Variants in KCNIP4 observed in about 807,000 individuals in gnomAD.
The protein encoded by KCNIP4 is potassium voltage-gated channel interacting protein 4, also known as Kv channel-interacting protein 4.
A neutral mutation model predicts 34.0 loss-of-function variants in KCNIP4; 12 were observed. The ratio of observed to expected loss-of-function variants is 0.35; its 90% CI spans 0.23 to 0.57. KCNIP4 has a LOEUF of 0.57. Among genes scored for constraint, KCNIP4 ranks in the 20% least tolerant of loss-of-function variants. The probability of loss-of-function intolerance (pLI) is 0.83; values close to 1 mark genes in which losing one functional copy is unlikely to be tolerated. For missense variants in KCNIP4, 238 were observed against 311.7 expected, an observed-to-expected ratio of 0.76 and a Z score of 1.78; for synonymous variants, 124 against 102.2, an observed-to-expected ratio of 1.21 and a Z score of -1.29.
At chr4:21,421,321 T>C (rs1413511086) in intron 1 of KCNIP4, among the ~76,000 whole-genome samples, 2 of 152,182 alleles carry the variant, frequency 1.3e-5, no homozygotes, top group Admixed American at 6.5e-5. Flanking sequence ...ATCTGCACTC[T>C]CATGTTCATG....
At chr4:21,326,649 T>A (rs1248014657) in intron 1 of KCNIP4, among the ~76,000 whole-genome samples, 2 of 151,826 alleles carry the variant, frequency 1.3e-5, no homozygotes, top group African/African-American at 2.4e-5. Flanking sequence ...AGGTTATCAT[T>A]GATAAATAGA....
At chr4:21,013,126 C>T (rs939734422) in intron 1 of KCNIP4, among the ~76,000 whole-genome samples, 13 of 152,064 alleles carry the variant, frequency 8.5e-5, no homozygotes, top group African/African-American at 3.1e-4. Context: ...TTCTGGACAG[C>T]AGGAAAGGGT....
intron 1 of KCNIP4, among the ~76,000 whole-genome samples, chr4:21,051,590 C>A (rs988749923): frequency 3.3e-5 from 5 of 151,848 alleles, no homozygotes; most frequent in African/African-American, 1.2e-4. Flanking sequence ...TTATTTTACA[C>A]ATAATAGACA....
At chr4:21,455,514 A>C (rs1728848584) in intron 1 of KCNIP4, among the ~76,000 whole-genome samples, 2 of 151,954 alleles carry the variant, frequency 1.3e-5, no homozygotes, top group African/African-American at 2.4e-5. Flanking sequence ...CTTGATTTAT[A>C]CAACAGATAT....
chr4:21,340,833 C>T (rs995460967), intron 1 of KCNIP4, among the ~76,000 whole-genome samples: 4 of 152,096 alleles, frequency 2.6e-5, no homozygotes, highest in Non-Finnish European at 5.9e-5. Flanking sequence ...AGATTTGTCT[C>T]AACATGGCCA....
At chr4:21,797,851 T>C (rs1720721762) in intron 1 of KCNIP4, among the ~76,000 whole-genome samples, 2 of 152,150 alleles carry the variant, frequency 1.3e-5, no homozygotes, top group South Asian at 4.1e-4. Flanking sequence ...CAAATTTACA[T>C]GATAAACACT....
chr4:21,011,483 A>G (rs116050255), intron 1 of KCNIP4, among the ~76,000 whole-genome samples: 147 of 152,346 alleles, frequency 9.6e-4, no homozygotes, highest in Non-Finnish European at 1.9e-3. Context: ...TTGGAAAAAT[A>G]GCATTTCAAC....
chr4:21,102,012 C>A (rs1747990770), intron 1 of KCNIP4, among the ~76,000 whole-genome samples: 1 of 152,018 alleles, frequency 6.6e-6, no homozygotes, highest in African/African-American at 2.4e-5. Flanking sequence ...CCCAAGTGTA[C>A]CTAAATCACA....
At chr4:21,258,585 T>G (rs1230453261) in intron 1 of KCNIP4, among the ~76,000 whole-genome samples, 1 of 152,172 alleles carries the variant, frequency 6.6e-6, no homozygotes, top group Non-Finnish European at 1.5e-5. Context: ...GCTCTAATTC[T>G]TAATGTGGCT....
chr4:21,469,975 G>A (rs139078145), intron 1 of KCNIP4, among the ~76,000 whole-genome samples: 31 of 152,214 alleles, frequency 2.0e-4, no homozygotes, highest in Non-Finnish European at 3.7e-4. Context: ...TGTGTTTTGC[G>A]CTTTTCTGTT....
chr4:21,220,377 G>C (rs995935158), intron 1 of KCNIP4, among the ~76,000 whole-genome samples: 1 of 152,116 alleles, frequency 6.6e-6, no homozygotes, highest in Non-Finnish European at 1.5e-5. Context: ...GATACCTAAG[G>C]AATAGAAGTT....
intron 1 of KCNIP4, among the ~76,000 whole-genome samples, chr4:21,273,114 A>G (rs905482626): frequency 5.9e-5 from 9 of 152,246 alleles, no homozygotes; most frequent in African/African-American, 1.9e-4. Flanking sequence ...ATTATTACTG[A>G]TAGTACATCA....
At chr4:20,936,118 A>G (rs921075819) in intron 1 of KCNIP4, among the ~76,000 whole-genome samples, 12 of 152,154 alleles carry the variant, frequency 7.9e-5, no homozygotes, top group Non-Finnish European at 1.5e-4. Context: ...AGTTAACAGT[A>G]TCTACTCTAT....
chr4:20,822,472 G>A (rs1356256927), intron 3 of KCNIP4, among the ~76,000 whole-genome samples: 1 of 152,206 alleles, frequency 6.6e-6, no homozygotes, highest in African/African-American at 2.4e-5. Flanking sequence ...TACACAGCTG[G>A]TGGGAATGTA....
At chr4:21,090,906 A>T (rs955467807) in intron 1 of KCNIP4, among the ~76,000 whole-genome samples, 3 of 152,238 alleles carry the variant, frequency 2.0e-5, no homozygotes, top group Non-Finnish European at 4.4e-5. Flanking sequence ...CAAAAACAGA[A>T]CAATCTTAAT....
At position 21,838,996 on chromosome 4, in the gene KCNIP4, T is replaced by C. The variant is rs148481473; in HGVS notation, c.61+109575A>G. ...AAAATATAGTAAGCAAGAGAAAAAG[T>C]CATTTTTGAGGGCACAATTGTGTTT... On this transcript the variant is annotated intron_variant, in intron 1 of 8. Transcript: ENST00000382152. Among the ~76,000 whole-genome samples the C allele has an allele frequency of 8.4e-3, 1,282 of 152,260 alleles. 14 individuals carry two copies. Among genetic ancestry groups the C allele is most frequent in the South Asian group, 0.028 (136 of 4,830 alleles).
At chr4:21,804,294 G>C (rs1433052599) in intron 1 of KCNIP4, among the ~76,000 whole-genome samples, 1 of 152,144 alleles carries the variant, frequency 6.6e-6, no homozygotes, top group Non-Finnish European at 1.5e-5. Context: ...TTGTGTTCTT[G>C]TTTTGTTTGT....
At chr4:21,346,030 G>A (rs1717278043) in intron 1 of KCNIP4, among the ~76,000 whole-genome samples, 1 of 143,194 alleles carries the variant, frequency 7.0e-6, no homozygotes, top group Non-Finnish European at 1.5e-5. Flanking sequence ...GGCATCCTGG[G>A]TGGAGTGGCA....
At chr4:21,201,221 A>G (rs752430640) in intron 1 of KCNIP4, among the ~76,000 whole-genome samples, 2 of 152,228 alleles carry the variant, frequency 1.3e-5, no homozygotes, top group Non-Finnish European at 2.9e-5. Context: ...TTATAGCCCA[A>G]TATGCTTTAA....
Sources: gnomAD v4.1 joint callset for allele counts (sites outside exome capture counted in the v4.1 genomes callset) on GRCh38, gnomAD v4.1.1 for gene constraint, MANE v1.5 for transcripts, NCBI Gene and HGNC (gene_info 2026-07-23, HGNC 2026-07-21) for gene names.